DNAAF5: variants seen among roughly 807,000 people sequenced by gnomAD.
The protein encoded by DNAAF5 is HEAT repeat containing 2.
A neutral mutation model predicts 75.8 loss-of-function variants in DNAAF5; 64 were observed. The ratio of observed to expected loss-of-function variants is 0.84; its 90% CI spans 0.69 to 1.04. The LOEUF (loss-of-function observed/expected upper bound fraction) is 1.04. Among genes scored for constraint, DNAAF5 ranks in the 50% least tolerant of loss-of-function variants. The probability of loss-of-function intolerance (pLI) is 0.00; values close to 1 mark genes in which losing one functional copy is unlikely to be tolerated. For missense variants in DNAAF5, 1,269 were observed against 1,178.5 expected, an observed-to-expected ratio of 1.08 and a Z score of -1.12; for synonymous variants, 657 against 557.2, an observed-to-expected ratio of 1.18 and a Z score of -2.52.
In DNAAF5 at chr7:774,986, T is replaced by A; in HGVS notation, c.2083-20T>A. On this transcript the variant is annotated intron_variant, in intron 10 of 12. Coordinates refer to ENST00000297440, the MANE Select transcript of DNAAF5 (RefSeq NM_017802.4). Reference sequence around the variant, plus strand: ...CCCAGGACAGATGTGAGTCACGTCGTATGTGTTTGCTGATTGCAGATACGG... The same window carrying A: ...CCCAGGACAGATGTGAGTCACGTCGAATGTGTTTGCTGATTGCAGATACGG... The A allele has an allele frequency of 6.2e-7, 1 of 1,613,292 alleles. No homozygotes were observed.
intron 6 of DNAAF5, among the ~76,000 whole-genome samples, chr7:758,670 T>A (rs1782558007): frequency 1.3e-5 from 2 of 152,174 alleles, no homozygotes; most frequent in Admixed American, 6.5e-5. Flanking sequence ...TGGGTAATTT[T>A]TTTTTATTTA....
Position 785,678 on chromosome 7 carries a change from A to T in DNAAF5, c.*25A>T. The T allele has an allele frequency of 6.2e-7, 1 of 1,606,936 alleles. No homozygotes were observed. Among genetic ancestry groups the T allele is most frequent in the South Asian group, 1.1e-5 (1 of 90,826 alleles). On this transcript the variant is annotated 3_prime_UTR_variant, in exon 13 of 13. Coordinates refer to ENST00000297440, the MANE Select transcript of DNAAF5 (RefSeq NM_017802.4). ...ACCACGCTGGTTTCAGCCACGGCAC[A>T]CCCTTGTCCCCACCTGAGCCAGAGT... is the stretch of plus-strand genomic sequence containing the variant.
chr7:730,145 C>T (rs906234554), intron 2 of DNAAF5, among the ~76,000 whole-genome samples: 4 of 152,196 alleles, frequency 2.6e-5, no homozygotes, highest in African/African-American at 9.7e-5. Context: ...TTAGTGCTCC[C>T]ATCCATCAAG....
intron 9 of DNAAF5, 152 bp downstream of exon 9, chr7:770,770 A>C: frequency 3.6e-5 from 24 of 662,314 alleles, no homozygotes; most frequent in South Asian, 5.1e-5. Context: ...CCTCCCCCAC[A>C]CTGAGTCAAA....
At chr7:743,879 A>G (rs1472566675) in intron 4 of DNAAF5, among the ~76,000 whole-genome samples, 1 of 149,974 alleles carries the variant, frequency 6.7e-6, no homozygotes, top group African/African-American at 2.4e-5. Context: ...AACAGGTGGT[A>G]TTTGGTTACA....
intron 4 of DNAAF5, among the ~76,000 whole-genome samples, chr7:745,010 C>T (rs922786255): frequency 7.9e-5 from 12 of 152,166 alleles, no homozygotes; most frequent in South Asian, 2.1e-4. Flanking sequence ...GAATCCCACG[C>T]GTGCTGTGGT....
intron 1 of DNAAF5, among the ~76,000 whole-genome samples, chr7:728,612 C>G (rs1466989713): frequency 6.6e-6 from 1 of 152,202 alleles, no homozygotes; most frequent in Admixed American, 6.5e-5. Context: ...TAATGTATTT[C>G]TTCTTCATCC....
intron 7 of DNAAF5, among the ~76,000 whole-genome samples, chr7:763,531 T>C (rs1441867839): frequency 6.6e-6 from 1 of 152,224 alleles, no homozygotes; most frequent in African/African-American, 2.4e-5. Context: ...CAGGACCACC[T>C]GTGCTGTGTG....
intron 6 of DNAAF5, among the ~76,000 whole-genome samples, chr7:759,438 G>A (rs150058964): frequency 2.6e-4 from 40 of 152,244 alleles, no homozygotes; most frequent in African/African-American, 8.4e-4. Context: ...GTAACTCACC[G>A]ATTTGCTTCT....
intron 10 of DNAAF5, 57 bp from the exon 11 acceptor site, chr7:774,949 C>A (rs1778707849): frequency 6.5e-7 from 1 of 1,544,164 alleles, no homozygotes; most frequent in Non-Finnish European, 8.9e-7. Flanking sequence ...ATGGTGAGCA[C>A]CCCCACCCCA....
intron 8 of DNAAF5, chr7:769,069 A>G (rs1485743984): frequency 1.4e-6 from 1 of 694,796 alleles, no homozygotes; most frequent in Non-Finnish European, 2.7e-6. Context: ...ACTTCGAGCC[A>G]GAGCAGCGAG....
chr7:779,186 G>A (rs544048819), intron 11 of DNAAF5, among the ~76,000 whole-genome samples: 61 of 152,384 alleles, frequency 4.0e-4, no homozygotes, highest in African/African-American at 1.4e-3. Context: ...AAAAGCATCA[G>A]AGACCCAGCC....
At chr7:784,052 C>A (rs1200241614) in intron 12 of DNAAF5, among the ~76,000 whole-genome samples, 1 of 151,298 alleles carries the variant, frequency 6.6e-6, no homozygotes, top group African/African-American at 2.4e-5. Flanking sequence ...ACCGCACATC[C>A]GCCTGGCAGC....
Position 770,476 on chromosome 7 carries a change from G to A in DNAAF5, c.1789G>A (p.Ala597Thr), listed in dbSNP as rs1198904007. ...GCCTCTGTTGTGTCTTACAGGCCCT[G>A]CCCTGGGAGAAGCCCTGCCACACGT... Reference protein sequence around the residue: ...FSVIVAQSGPALGEALPHVVP... With the variant: ...FSVIVAQSGPTLGEALPHVVP... Residue 597 changes from alanine to threonine, a missense_variant, in exon 9 of 13, where the codon GCC (alanine) becomes ACC (threonine). Physicochemically the swap from Ala to Thr is moderately conservative, Grantham distance 58. Coordinates refer to ENST00000297440, the MANE Select transcript of DNAAF5 (RefSeq NM_017802.4). 2.5e-6 allele frequency: 4 copies of A among 1,613,252 alleles called. No individual in the cohort carries two copies. Among genetic ancestry groups the A allele is most frequent in the Non-Finnish European group, 3.4e-6 (4 of 1,179,834 alleles).
At chr7:768,243 T>C (rs1265523867) in intron 8 of DNAAF5, among the ~76,000 whole-genome samples, 1 of 142,436 alleles carries the variant, frequency 7.0e-6, no homozygotes, top group East Asian at 2.2e-4. Context: ...AGGGCGGAAG[T>C]GTCCGTGCTG....
At position 739,678 on chromosome 7, in the gene DNAAF5, A is replaced by T. The variant is rs1014027865; in HGVS notation, c.781-1141A>T. Among the ~76,000 whole-genome samples, 6 of 151,926 alleles carry T rather than the reference A, an allele frequency of 3.9e-5. No individual in the cohort carries two copies. The East Asian group carries it at 1.2e-3, about 29-fold the overall frequency. ...CCTTGTGTGAACTTGCCCTCCCCTC[A>T]CGGGACCTTAGTGACGAGCCCTGTC... On this transcript the variant is annotated intron_variant, in intron 2 of 12. Transcript: ENST00000297440.
At chr7:730,158 G>C (rs1013951580) in intron 2 of DNAAF5, among the ~76,000 whole-genome samples, 1 of 152,178 alleles carries the variant, frequency 6.6e-6, no homozygotes, top group Non-Finnish European at 1.5e-5. Flanking sequence ...CCATCAAGAC[G>C]CACTTTCCCG....
chr7:733,513 T>C (rs944821321), intron 2 of DNAAF5, among the ~76,000 whole-genome samples: 3 of 152,176 alleles, frequency 2.0e-5, no homozygotes, highest in African/African-American at 7.2e-5. Context: ...TCTTTCTTTT[T>C]TTTGAGACAG....
intron 2 of DNAAF5, among the ~76,000 whole-genome samples, chr7:730,836 G>A (rs1039576735): frequency 2.0e-5 from 3 of 152,238 alleles, no homozygotes; most frequent in Admixed American, 6.5e-5. Flanking sequence ...TCAGGCCAGC[G>A]GAAGTTGAGT....
Sources: allele counts gnomAD v4.1 joint callset (sites outside exome capture counted in the v4.1 genomes callset), GRCh38; gene constraint gnomAD v4.1.1; transcripts MANE v1.5; gene names NCBI Gene and HGNC (gene_info 2026-07-23, HGNC 2026-07-21).